Variants in SFRP1 observed in about 807,000 individuals in gnomAD.
The protein encoded by SFRP1 is secreted frizzled-related protein 1.
Under a neutral mutation model 25.9 loss-of-function variants are expected in SFRP1, and 9 were observed. That is an observed-to-expected ratio of 0.35 (90% confidence interval 0.21 to 0.61). SFRP1 has a LOEUF of 0.61. Among genes scored for constraint, SFRP1 ranks in the 20% least tolerant of loss-of-function variants. The probability of loss-of-function intolerance (pLI) is 0.78; values close to 1 mark genes in which losing one functional copy is unlikely to be tolerated. For missense variants in SFRP1, 346 were observed against 418.2 expected (o/e 0.83, Z 1.51); for synonymous variants, 178 against 174.0 (o/e 1.02, Z -0.18).
intron 2 of SFRP1, among the ~76,000 whole-genome samples, chr8:41,302,616 T>C (rs1010215714): frequency 1.3e-5 from 2 of 152,188 alleles, no homozygotes; most frequent in African/African-American, 4.8e-5. Flanking sequence ...CTTCTCTGCA[T>C]CCATGTCAGA....
chr8:41,292,487 A>G lies in SFRP1; in HGVS notation c.622+10974T>C, dbSNP rs1048326795. ...AGATGTGCCTGCTTCCCTTTATGCC[A>G]TGACTGTAAGTTTCCTGAGATCTCC... is the stretch of plus-strand genomic sequence containing the variant. On this transcript the variant is annotated intron_variant, in intron 2 of 2. Coordinates refer to ENST00000220772, the MANE Select transcript of SFRP1 (RefSeq NM_003012.5). 2.6e-5 allele frequency among the ~76,000 whole-genome samples: 4 copies of G among 152,278 alleles called. No homozygotes were observed. In the South Asian group the frequency reaches 6.2e-4, roughly 24 times the overall value.
intron 1 of SFRP1, chr8:41,307,081 A>C (rs2117524136): frequency 7.6e-7 from 1 of 1,316,688 alleles, no homozygotes. Context: ...GGGCTGGGCT[A>C]ATCCCCGCTG....
In SFRP1 at chr8:41,309,193, G is replaced by A; in HGVS notation, c.-34C>T. The A allele has an allele frequency of 1.6e-6, 2 of 1,280,982 alleles. No individual in the cohort carries two copies. Among genetic ancestry groups the A allele is most frequent in the Admixed American group, 4.2e-5 (1 of 23,576 alleles). The allele number at this position is 1,280,982 out of a possible 1,614,324, so 79.4% of individuals were successfully genotyped here. Reference sequence around the variant, plus strand: ...TGCGCCCTGTTCTCCGCGACGTCGGGGCTGCCTCCGCCGCCTCCCCGCGCG... The same window carrying A: ...TGCGCCCTGTTCTCCGCGACGTCGGAGCTGCCTCCGCCGCCTCCCCGCGCG... On this transcript the variant is annotated 5_prime_UTR_variant, in exon 1 of 3. Transcript: ENST00000220772.
chr8:41,281,945 G>C (rs1008723911), intron 2 of SFRP1, among the ~76,000 whole-genome samples: 3 of 152,124 alleles, frequency 2.0e-5, no homozygotes, highest in African/African-American at 4.8e-5. Flanking sequence ...AGTTTCAAAG[G>C]GTCCTCATTT....
At chr8:41,266,302 T>C (rs1803434962) in intron 2 of SFRP1, among the ~76,000 whole-genome samples, 1 of 152,174 alleles carries the variant, frequency 6.6e-6, no homozygotes, top group Admixed American at 6.5e-5. Flanking sequence ...CTAAATCACA[T>C]TGCTCTTTTT....
rs915630161 is a variant in SFRP1, at chr8:41,263,058, T to C, written c.*2109A>G. On this transcript the variant is annotated 3_prime_UTR_variant, in exon 3 of 3. Coordinates refer to ENST00000220772, the MANE Select transcript of SFRP1 (RefSeq NM_003012.5). ...CTCTTCCGTATTCTGTGGTAACTAC[T>C]AATGTTCCAGGTAAACCCCTCCACT... 1 of 152,330 alleles carries C rather than the reference T, an allele frequency of 6.6e-6. No homozygotes were observed. The highest frequency in any genetic ancestry group is 2.4e-5 in the African/African-American group (1 of 41,438). The allele number at this position is 152,330 out of a possible 1,614,324, so 9.4% of individuals were successfully genotyped here. A position where few individuals can be genotyped will look rare whatever the true frequency, so the allele number is the denominator to read the frequency against.
At chr8:41,271,458 G>C (rs1803505664) in intron 2 of SFRP1, 1 of 182,308 alleles carries the variant, frequency 5.5e-6, no homozygotes, top group Non-Finnish European at 1.2e-5. Context: ...CTCTCCTGGA[G>C]CCATCCAAAA....
rs111810912 is a variant in SFRP1, at chr8:41,302,208, A to G, written c.622+1253T>C. On this transcript the variant is annotated intron_variant, in intron 2 of 2. Coordinates refer to ENST00000220772, the MANE Select transcript of SFRP1 (RefSeq NM_003012.5). The stretch of plus-strand genomic sequence containing the variant: ...CTCACACTGCTGCATCACAGAGAAC[A>G]CATCAATCTTCCCCATGCATGGAAA... Among the ~76,000 whole-genome samples, 362 of 152,316 alleles carry G rather than the reference A, an allele frequency of 2.4e-3. 4 individuals are homozygous for G. The highest frequency in any genetic ancestry group is 8.3e-3 in the African/African-American group (343 of 41,554).
intron 2 of SFRP1, among the ~76,000 whole-genome samples, chr8:41,302,843 G>GA (rs551857897): frequency 3.1e-4 from 47 of 151,592 alleles, no homozygotes; most frequent in South Asian, 6.3e-4. Flanking sequence ...TGCTGGTTCA[G>GA]AATTCTCTTT....
chr8:41,307,965 C>T (rs1166742617), intron 1 of SFRP1, among the ~76,000 whole-genome samples: 1 of 152,044 alleles, frequency 6.6e-6, no homozygotes, highest in Non-Finnish European at 1.5e-5. Context: ...CACCCCCAGC[C>T]CTCCGAGGGC....
chr8:41,291,990 C>G (rs1233064717), intron 2 of SFRP1, among the ~76,000 whole-genome samples: 1 of 152,132 alleles, frequency 6.6e-6, no homozygotes, highest in Non-Finnish European at 1.5e-5. Context: ...CCCTCACCCT[C>G]TCCTCCAAAA....
chr8:41,281,286 C>T (rs1803632575), intron 2 of SFRP1, among the ~76,000 whole-genome samples: 1 of 152,246 alleles, frequency 6.6e-6, no homozygotes, highest in Non-Finnish European at 1.5e-5. Context: ...GCAAGCTTTG[C>T]CCTGTTACAC....
intron 2 of SFRP1, among the ~76,000 whole-genome samples, chr8:41,287,514 G>A (rs1298081774): frequency 1.3e-5 from 2 of 152,216 alleles, no homozygotes; most frequent in Non-Finnish European, 1.5e-5. Flanking sequence ...AGGGCCTGCT[G>A]TGGGCTCTGT....
In SFRP1 at chr8:41,265,119, CG is replaced by C; in HGVS notation, c.*47del. On this transcript the variant is annotated 3_prime_UTR_variant, in exon 3 of 3. Coordinates refer to ENST00000220772, the MANE Select transcript of SFRP1 (RefSeq NM_003012.5). ...CGGGTTCCCGGGGCACTGTCCCCCCCGCTCCCACCCCACCCGAGGCTCCCTC... is the reference window on the plus strand; with the variant it reads ...CGGGTTCCCGGGGCACTGTCCCCCCCCTCCCACCCCACCCGAGGCTCCCTC... 3.7e-5 allele frequency: 17 copies of C among 464,786 alleles called. No individual in the cohort carries two copies. The highest frequency in any genetic ancestry group is 9.1e-5 in the East Asian group (2 of 21,888). 28.8% of individuals were successfully genotyped at this position (464,786 alleles called of 1,614,324 possible).
chr8:41,279,613 G>T (rs901806214), intron 2 of SFRP1, among the ~76,000 whole-genome samples: 2 of 152,098 alleles, frequency 1.3e-5, no homozygotes, highest in Non-Finnish European at 2.9e-5. Flanking sequence ...TGTCTTGGGG[G>T]TTCCCTTTCT....
intron 2 of SFRP1, chr8:41,271,625 C>T (rs770283379): frequency 6.6e-6 from 1 of 152,384 alleles, no homozygotes; most frequent in Non-Finnish European, 1.5e-5. Context: ...AGAAACCATG[C>T]TAGCTCTCTG....
chr8:41,291,352 A>G (rs980390084), intron 2 of SFRP1, among the ~76,000 whole-genome samples: 1 of 152,134 alleles, frequency 6.6e-6, no homozygotes, highest in African/African-American at 2.4e-5. Flanking sequence ...CTGTTTTGTC[A>G]TCATTTCTAG....
chr8:41,284,635 T>G (rs1585512527), intron 2 of SFRP1, among the ~76,000 whole-genome samples: 1 of 152,258 alleles, frequency 6.6e-6, no homozygotes, highest in East Asian at 1.9e-4. Context: ...GGACCACACC[T>G]GCTCACTCCA....
intron 2 of SFRP1, among the ~76,000 whole-genome samples, chr8:41,284,048 T>C (rs942949868): frequency 4.6e-5 from 7 of 152,166 alleles, no homozygotes; most frequent in African/African-American, 1.2e-4. Flanking sequence ...CTGTTTGCCA[T>C]GGCAAACTTT....
Sources: allele counts gnomAD v4.1 joint callset (sites outside exome capture counted in the v4.1 genomes callset), GRCh38; gene constraint gnomAD v4.1.1; transcripts MANE v1.5; gene names NCBI Gene and HGNC (gene_info 2026-07-23, HGNC 2026-07-21).